Variants in QSER1 observed in about 807,000 individuals in gnomAD.
QSER1 encodes glutamine and serine rich 1, also known as glutamine and serine-rich protein 1.
In QSER1, 49 loss-of-function variants were observed where a neutral mutation model predicts 158.5. The ratio of observed to expected loss-of-function variants is 0.31; its 90% confidence interval spans 0.25 to 0.39. The LOEUF (loss-of-function observed/expected upper bound fraction) is 0.39, where lower values mean the gene tolerates loss of function less well. Ranked by LOEUF, QSER1 falls within the 10% of genes least tolerant of loss-of-function variation. The pLI is 1.00. For synonymous variants in QSER1, 650 were observed against 715.5 expected (o/e 0.91, Z 1.46); for missense variants, 1,754 against 2,010.3 (o/e 0.87, Z 2.44).
At chr11:32,973,287 C>G (rs546098690) in intron 10 of QSER1, 110 bp from the exon 11 acceptor site, 4 of 1,130,580 alleles carry the variant, frequency 3.5e-6, no homozygotes, top group Middle Eastern at 2.8e-4. Flanking sequence ...ACACACACCT[C>G]TCTGCAAATA....
intron 1 of QSER1, among the ~76,000 whole-genome samples, chr11:32,922,875 T>C (rs1033107993): frequency 2.6e-5 from 4 of 152,056 alleles, no homozygotes; most frequent in Non-Finnish European, 5.9e-5. Context: ...TTGGTGGGAA[T>C]GTAAAATGTT....
rs767731596 is a variant in QSER1 at position 32,932,955 on chromosome 11, T to G, written c.1697T>G (p.Val566Gly). ...GGTCACTCTCAGGGTTTATCACCAG[T>G]TAGCCAGACACAGGTTAGCTATTCA... ...SSGHSQGLSP[V>G]SQTQVSYSSQ... is the part of the protein sequence containing the mutation. Residue 566 changes from valine (V) to glycine (G), a missense_variant, in exon 4 of 13, where the codon GTT (valine) becomes GGT (glycine). Physicochemically the swap from Val to Gly is moderately radical, Grantham distance 109 (BLOSUM62 -3). Around this residue, in one of 2 missense-constraint regions of QSER1, gnomAD observed 1,707 missense variants for 1,919.6 expected, o/e 0.89. Coordinates refer to ENST00000650167, the MANE Select transcript of QSER1 (RefSeq NM_001076786.3). 1.9e-6 allele frequency: 3 copies of G among 1,613,288 alleles called. No individual in the cohort carries two copies. Among genetic ancestry groups the G allele is most frequent in the East Asian group, 2.2e-5 (1 of 44,900 alleles).
intron 4 of QSER1, among the ~76,000 whole-genome samples, chr11:32,953,400 T>C (rs951058265): frequency 6.6e-6 from 1 of 152,142 alleles, no homozygotes; most frequent in African/African-American, 2.4e-5. Context: ...TCACCCAGGC[T>C]GGAGTGCAGT....
chr11:32,973,581 C>A, intron 11 of QSER1, 32 bp downstream of exon 11: 1 of 1,549,310 alleles, frequency 6.5e-7, no homozygotes, highest in Non-Finnish European at 8.8e-7. Context: ...TGTAACTATA[C>A]CTTTTCCAAT....
chr11:32,955,630 A>G (rs1336646314), intron 6 of QSER1, among the ~76,000 whole-genome samples: 1 of 152,088 alleles, frequency 6.6e-6, no homozygotes, highest in Non-Finnish European at 1.5e-5. Context: ...CTATTGTTTA[A>G]CTTTTTTTTT....
Position 32,934,470 on chromosome 11 carries a change from T to C in QSER1, c.3212T>C (p.Leu1071Pro). ...CCTGCCCTTCAGTCAAAAATGACTC[T>C]TGATCAACAGCACATTGAAACACCT... ...PVPALQSKMT[L>P]DQQHIETPGQ... is the part of the protein sequence containing the mutation. Residue 1071 changes from leucine (L) to proline (P), a missense_variant, in exon 4 of 13, where the codon CTT becomes CCT. Physicochemically the swap from Leu to Pro is moderately conservative, Grantham distance 98 (BLOSUM62 -3). Coordinates refer to ENST00000650167, the MANE Select transcript of QSER1 (RefSeq NM_001076786.3). 1 of 1,613,788 alleles carries C rather than the reference T, an allele frequency of 6.2e-7. No homozygotes were observed. Among genetic ancestry groups the C allele is most frequent in the Non-Finnish European group, 8.5e-7 (1 of 1,180,002 alleles).
At chr11:32,928,526 T>C (rs994428403) in intron 3 of QSER1, among the ~76,000 whole-genome samples, 1 of 152,214 alleles carries the variant, frequency 6.6e-6, no homozygotes, top group African/African-American at 2.4e-5. Flanking sequence ...TTATCCTTAA[T>C]TGGATAGATT....
At chr11:32,965,942 A>ACAC (rs1852734941) in intron 8 of QSER1, among the ~76,000 whole-genome samples, 1 of 20,688 alleles carries the variant, frequency 4.8e-5, no homozygotes, top group African/African-American at 9.6e-5. Flanking sequence ...ACTCTGTCTC[A>ACAC]AAACACACAC....
At chr11:32,968,907 C>T in intron 9 of QSER1, 139 bp from the exon 10 acceptor site, 2 of 533,918 alleles carry the variant, frequency 3.7e-6, no homozygotes, top group Non-Finnish European at 6.4e-6. Context: ...GCTTCATGTC[C>T]AATTTTTTTG....
intron 9 of QSER1, among the ~76,000 whole-genome samples, chr11:32,967,455 T>C (rs1564947771): frequency 6.6e-6 from 1 of 152,106 alleles, no homozygotes; most frequent in East Asian, 1.9e-4. Flanking sequence ...CCAAACCACC[T>C]GTACCCCTAA....
At position 32,920,251 on chromosome 11, in the gene QSER1, AAG is replaced by A. The variant is rs377650641; in HGVS notation, c.210-6903_210-6902del. On this transcript the variant is annotated intron_variant, in intron 1 of 12. Transcript: ENST00000650167. ...TCATTTTAAAAGCATATAAAATCGT[AAG>A]AGTATTTTGAAAATAGCAGTTGGGC... Among the ~76,000 whole-genome samples the A allele has an allele frequency of 2.4e-4, 37 of 152,328 alleles. No individual in the cohort carries two copies. In the East Asian group the frequency reaches 7.1e-3, roughly 29 times the overall value.
chr11:32,941,115 C>T (rs1043915792), intron 4 of QSER1, among the ~76,000 whole-genome samples: 3 of 151,674 alleles, frequency 2.0e-5, no homozygotes, highest in East Asian at 1.9e-4. Flanking sequence ...ACTTTCTTTT[C>T]GAACTGGCTT....
At position 32,966,148 on chromosome 11, in the gene QSER1, G is replaced by C. The variant is rs146760735; in HGVS notation, c.4970-152G>C. The C allele has an allele frequency of 5.5e-5, 43 of 786,312 alleles. No individual in the cohort carries two copies. The East Asian group carries it at 1.1e-3, about 21-fold the overall frequency. 48.7% of individuals were successfully genotyped at this position (786,312 alleles called of 1,614,324 possible). The stretch of plus-strand genomic sequence containing the variant: ...TCATTGTCATGTGCAAACCAGCTTT[G>C]AGAACCTCAGACCTTTTAAAGGTAA... On this transcript the variant is annotated intron_variant, in intron 8 of 12. Transcript: ENST00000650167.
chr11:32,932,573 T>G lies in QSER1; in HGVS notation c.1315T>G (p.Ser439Ala). 6.2e-7 allele frequency: 1 copy of G among 1,614,126 alleles called. No homozygotes were observed. Among genetic ancestry groups the G allele is most frequent in the Admixed American group, 1.7e-5 (1 of 60,016 alleles). ...IIPPVQTLSYSKPLHNQSSVI... is the reference protein window; with the variant it reads ...IIPPVQTLSYAKPLHNQSSVI... ...TCCTCCTGTGCAAACACTAAGCTAT[T>G]CCAAACCTTTACATAATCAGAGTTC... The change falls in exon 4 of 13, where the codon TCC (serine) becomes GCC (alanine). Residue 439 changes from serine to alanine, a missense_variant. Physicochemically the swap from Ser to Ala is moderately conservative, Grantham distance 99. Transcript: ENST00000650167.
intron 1 of QSER1, among the ~76,000 whole-genome samples, chr11:32,901,081 G>C (rs1345921501): frequency 6.6e-6 from 1 of 152,172 alleles, no homozygotes; most frequent in Non-Finnish European, 1.5e-5. Context: ...AAGCTCTGGA[G>C]TTATAATGTT....
Position 32,928,012 on chromosome 11 carries a change from A to G in QSER1, c.373A>G (p.Lys125Glu), listed in dbSNP as rs775323163. ...TSVNSASSNTKESSVMNFLST... is the reference protein window; with the variant it reads ...TSVNSASSNTEESSVMNFLST... ...TGTGAACAGTGCCAGCAGTAACACT[A>G]AAGAGTCTTCAGTGATGAATTTTCT... The change falls in exon 3 of 13, where the codon AAA (lysine) becomes GAA (glutamate). Residue 125 changes from lysine (K) to glutamate (E), a missense_variant. Around this residue, in one of 2 missense-constraint regions of QSER1, gnomAD observed 1,707 missense variants for 1,919.6 expected, o/e 0.89. Coordinates refer to ENST00000650167, the MANE Select transcript of QSER1 (RefSeq NM_001076786.3). 4 of 1,522,754 alleles carry G rather than the reference A, an allele frequency of 2.6e-6. No homozygotes were observed. Among genetic ancestry groups the G allele is most frequent in the South Asian group, 2.2e-5 (2 of 89,124 alleles). 94.3% of individuals were successfully genotyped at this position (1,522,754 alleles called of 1,614,324 possible). A position where few individuals can be genotyped will look rare whatever the true frequency, so the allele number is the denominator to read the frequency against.
At chr11:32,950,383 T>G (rs1393042738) in intron 4 of QSER1, among the ~76,000 whole-genome samples, 1 of 152,180 alleles carries the variant, frequency 6.6e-6, no homozygotes, top group Non-Finnish European at 1.5e-5. Flanking sequence ...CATGAACCAC[T>G]GTGCCTGGCC....
chr11:32,943,494 T>C (rs1237574658), intron 4 of QSER1, among the ~76,000 whole-genome samples: 4 of 151,616 alleles, frequency 2.6e-5, no homozygotes, highest in South Asian at 2.1e-4. Context: ...GAGATAATCA[T>C]GTGGTTTTTG....
Position 32,928,139 on chromosome 11 carries a change from T to A in QSER1, c.484+16T>A. 6.6e-7 allele frequency: 1 copy of A among 1,526,080 alleles called. No homozygotes were observed. 94.5% of individuals were successfully genotyped at this position (1,526,080 alleles called of 1,614,324 possible). On this transcript the variant is annotated intron_variant, in intron 3 of 12. Transcript: ENST00000650167. ...TGGCAGACAGGTGATTTTCTGTTTC[T>A]AGAATTTTTAAGTCCTATAAAAATG...
Sources: allele counts gnomAD v4.1 joint callset (sites outside exome capture counted in the v4.1 genomes callset), GRCh38; gene constraint gnomAD v4.1.1; regional missense constraint gnomAD v4.1.1; transcripts MANE v1.5; gene names NCBI Gene and HGNC (gene_info 2026-07-23, HGNC 2026-07-21).